Variants in NBEAL1 observed in about 807,000 individuals in gnomAD.
NBEAL1 encodes neurobeachin like 1.
A neutral mutation model predicts 351.3 loss-of-function variants in NBEAL1; 273 were observed. That is an observed-to-expected ratio of 0.78 (90% CI 0.70 to 0.86). NBEAL1 has a LOEUF of 0.86. NBEAL1 is among the 40% of genes least tolerant of loss of function. NBEAL1 has a pLI of 0.00. For synonymous variants in NBEAL1, 1,050 were observed against 1,086.4 expected (o/e 0.97, Z 0.66); for missense variants, 2,961 against 3,201.3 (o/e 0.92, Z 1.81).
chr2:203,091,416 G>GCTGTTAATATGGGTTA (rs2062062484), intron 10 of NBEAL1, among the ~76,000 whole-genome samples: 1 of 152,150 alleles, frequency 6.6e-6, no homozygotes, highest in African/African-American at 2.4e-5. Flanking sequence ...CCGTTTGGCT[G>GCTGTTAATATGGGTTA]CTGCTGTTAA....
chr2:203,174,549 C>G (rs1005795984), intron 41 of NBEAL1, among the ~76,000 whole-genome samples: 2 of 151,994 alleles, frequency 1.3e-5, no homozygotes, highest in African/African-American at 2.4e-5. Context: ...TGTTTTGATT[C>G]TCTATTTTCT....
In NBEAL1 at chr2:203,157,723, G is replaced by A. The variant is rs995834011; in HGVS notation, c.5612G>A (p.Ser1871Asn). ...GGTATCCAACACTCACAGCCTTCCA[G>A]TGATACATTGCTTTTGGAAGTAGTG... ...NLGIQHSQPS[S>N]DTLLLEVVKQ... is the part of the protein sequence containing the mutation. Residue 1871 changes from serine to asparagine, a missense_variant, in exon 36 of 56, where the codon AGT becomes AAT. Transcript: ENST00000683969. The A allele has an allele frequency of 1.3e-6, 2 of 1,598,628 alleles. No individual in the cohort carries two copies. Among genetic ancestry groups the A allele is most frequent in the South Asian group, 2.3e-5 (2 of 87,460 alleles).
rs1194979930 is a variant in NBEAL1, at chr2:203,158,815, G to T, written c.5714+990G>T. Among the ~76,000 whole-genome samples, 53 of 84,380 alleles carry T rather than the reference G, an allele frequency of 6.3e-4. 1 individual carries two copies. In the South Asian group the frequency reaches 0.022, roughly 34 times the overall value. 55.4% of individuals were successfully genotyped at this position (84,380 alleles called of 152,430 possible). Reference sequence around the variant, plus strand: ...TTTTTTGTGTGTGTTTTTCTGTAGGGTTTTTTTTTTTTTTTTTTTTTTGAG... The same window carrying T: ...TTTTTTGTGTGTGTTTTTCTGTAGGTTTTTTTTTTTTTTTTTTTTTTTGAG... On this transcript the variant is annotated intron_variant, in intron 36 of 55. Coordinates refer to ENST00000683969, the MANE Select transcript of NBEAL1 (RefSeq NM_001378026.1).
intron 14 of NBEAL1, among the ~76,000 whole-genome samples, chr2:203,108,970 A>C (rs1363830843): frequency 2.0e-5 from 3 of 152,108 alleles, no homozygotes; most frequent in African/African-American, 7.2e-5. Flanking sequence ...TCAGCTCAGG[A>C]AGTTGAAGCT....
At chr2:203,119,615 G>A (rs1017159009) in intron 18 of NBEAL1, among the ~76,000 whole-genome samples, 7 of 151,594 alleles carry the variant, frequency 4.6e-5, no homozygotes, top group Non-Finnish European at 5.9e-5. Context: ...TAGTACAGAC[G>A]AGGTTTCACC....
intron 42 of NBEAL1, among the ~76,000 whole-genome samples, chr2:203,175,914 C>G (rs1575086453): frequency 6.6e-6 from 1 of 152,210 alleles, no homozygotes; most frequent in Admixed American, 6.5e-5. Context: ...ATTGCCTTTT[C>G]TGTTCTCTTT....
At chr2:203,077,618 A>G (rs1392187947) in intron 7 of NBEAL1, 134 bp from the exon 8 acceptor site, 2 of 465,174 alleles carry the variant, frequency 4.3e-6, no homozygotes, top group East Asian at 3.8e-5. Flanking sequence ...CAAAATGCAT[A>G]TCAACCTTGG....
chr2:203,075,388 G>T lies in NBEAL1; in HGVS notation c.599-2364G>T, dbSNP rs904456229. Reference sequence around the variant, plus strand: ...CAATCTTATGATGAGAGTTTGCATGGTATATGTTTTTATGTCCTTTTTATG... The same window carrying T: ...CAATCTTATGATGAGAGTTTGCATGTTATATGTTTTTATGTCCTTTTTATG... On this transcript the variant is annotated intron_variant, in intron 7 of 55. Transcript: ENST00000683969. Among the ~76,000 whole-genome samples the T allele has an allele frequency of 6.6e-5, 10 of 152,236 alleles. 1 individual carries two copies. The highest frequency in any genetic ancestry group is 1.2e-4 in the African/African-American group (5 of 41,526).
chr2:203,097,361 C>G (rs1225556881), intron 10 of NBEAL1, among the ~76,000 whole-genome samples, 186 bp from the exon 11 acceptor site: 3 of 152,152 alleles, frequency 2.0e-5, no homozygotes, highest in Non-Finnish European at 4.4e-5. Flanking sequence ...AGAGAAATAT[C>G]TAAACTACTA....
intron 25 of NBEAL1, among the ~76,000 whole-genome samples, chr2:203,131,112 A>T (rs1214027416): frequency 6.6e-6 from 1 of 152,260 alleles, no homozygotes; most frequent in African/African-American, 2.4e-5. Flanking sequence ...AAGAAACAAA[A>T]TTTTAAATTA....
At chr2:203,208,529 T>C (rs2065675328) in intron 51 of NBEAL1, 108 bp from the exon 52 acceptor site, 1 of 723,916 alleles carries the variant, frequency 1.4e-6, no homozygotes, top group African/African-American at 1.8e-5. Context: ...TGGTTGTAAC[T>C]AGTTGCAATG....
At chr2:203,081,328 G>T (rs969108961) in intron 8 of NBEAL1, among the ~76,000 whole-genome samples, 1 of 152,146 alleles carries the variant, frequency 6.6e-6, no homozygotes, top group African/African-American at 2.4e-5. Context: ...TAGCCAGACT[G>T]ACCTAGGTTT....
intron 52 of NBEAL1, 22 bp from the exon 53 acceptor site, chr2:203,209,139 T>G (rs1292434141): frequency 1.4e-5 from 22 of 1,572,132 alleles, no homozygotes; most frequent in Non-Finnish European, 1.9e-5. Flanking sequence ...CTTTTTCATT[T>G]TCTGATATAT....
At chr2:203,167,826 C>T (rs2064183173) in intron 38 of NBEAL1, among the ~76,000 whole-genome samples, 2 of 152,290 alleles carry the variant, frequency 1.3e-5, no homozygotes, top group East Asian at 1.9e-4. Context: ...ACTGAGAATG[C>T]TTGGGCCCGG....
chr2:203,042,298 G>A (rs562941644), intron 3 of NBEAL1, among the ~76,000 whole-genome samples: 3 of 152,338 alleles, frequency 2.0e-5, no homozygotes, highest in East Asian at 1.9e-4. Context: ...CTCACTGAAA[G>A]CACTATACTT....
In NBEAL1 at chr2:203,201,629, T is replaced by C. The variant is rs765601597; in HGVS notation, c.7325T>C (p.Leu2442Pro). The C allele has an allele frequency of 6.2e-7, 1 of 1,612,908 alleles. No homozygotes were observed. Among genetic ancestry groups the C allele is most frequent in the Admixed American group, 1.7e-5 (1 of 59,880 alleles). The change falls in exon 50 of 56, where the codon CTC (leucine) becomes CCC (proline). Residue 2442 changes from leucine (L) to proline (P), a missense_variant. Coordinates refer to ENST00000683969, the MANE Select transcript of NBEAL1 (RefSeq NM_001378026.1). ...GTAGTATCACATGATGCAAAGTTGCTCTTCAGTGCTGGATACTGGGATAAT... is the reference window on the plus strand; with the variant it reads ...GTAGTATCACATGATGCAAAGTTGCCCTTCAGTGCTGGATACTGGGATAAT... ...LFVVSHDAKL[L>P]FSAGYWDNSI...
At chr2:203,152,022 A>G (rs1575050653) in intron 35 of NBEAL1, among the ~76,000 whole-genome samples, 1 of 152,088 alleles carries the variant, frequency 6.6e-6, no homozygotes, top group African/African-American at 2.4e-5. Flanking sequence ...TAGTGGCGCA[A>G]TCTCGGCTCA....
intron 16 of NBEAL1, 21 bp from the exon 17 acceptor site, chr2:203,112,994 A>G (rs1351181919): frequency 6.3e-6 from 9 of 1,432,880 alleles, no homozygotes; most frequent in Non-Finnish European, 8.3e-6. Context: ...AAAATTGTGT[A>G]ATTTGTTTGT....
At chr2:203,060,657 T>C (rs2106105146) in intron 6 of NBEAL1, among the ~76,000 whole-genome samples, 1 of 152,346 alleles carries the variant, frequency 6.6e-6, no homozygotes, top group South Asian at 2.1e-4. Context: ...CATCGATGTT[T>C]TCTTGCGAAA....
Sources: gnomAD v4.1 joint callset for allele counts (sites outside exome capture counted in the v4.1 genomes callset) on GRCh38, gnomAD v4.1.1 for gene constraint, MANE v1.5 for transcripts, NCBI Gene and HGNC (gene_info 2026-07-23, HGNC 2026-07-21) for gene names.